Variants in CNTNAP2 observed in about 807,000 individuals in gnomAD.
CNTNAP2 encodes contactin-associated protein-like 2.
In CNTNAP2, 98 loss-of-function variants were observed where a neutral mutation model predicts 155.2. The observed-to-expected ratio is 0.63, with a 90% CI of 0.54 to 0.75. The LOEUF is 0.75. Among genes scored for constraint, CNTNAP2 ranks in the 30% least tolerant of loss-of-function variants. The pLI is 0.00. For missense variants in CNTNAP2, 1,727 were observed against 1,688.1 expected, an observed-to-expected ratio of 1.02 and a Z score of -0.40; for synonymous variants, 651 against 631.2, an observed-to-expected ratio of 1.03 and a Z score of -0.47.
chr7:146,842,509 C>T (rs752322123), intron 3 of CNTNAP2, among the ~76,000 whole-genome samples: 2 of 151,946 alleles, frequency 1.3e-5, no homozygotes, highest in Admixed American at 1.3e-4. Flanking sequence ...TAAGAAATAC[C>T]TGAGACTGGG....
chr7:146,502,901 C>T (rs921517224), intron 1 of CNTNAP2, among the ~76,000 whole-genome samples: 6 of 152,124 alleles, frequency 3.9e-5, no homozygotes, highest in Admixed American at 1.3e-4. Flanking sequence ...AGGCAAGAGC[C>T]GCCTCAAACT....
chr7:147,109,644 T>G (rs745502081), intron 5 of CNTNAP2, among the ~76,000 whole-genome samples: 7 of 152,124 alleles, frequency 4.6e-5, no homozygotes, highest in African/African-American at 7.2e-5. Context: ...TCATGTAAGA[T>G]GAAGACAGAG....
At chr7:148,277,642 C>G (rs1370522285) in intron 21 of CNTNAP2, among the ~76,000 whole-genome samples, 1 of 149,036 alleles carries the variant, frequency 6.7e-6, no homozygotes, top group Non-Finnish European at 1.5e-5. Flanking sequence ...GAGCCCCAGA[C>G]TGGGAAGCAA....
chr7:146,956,942 C>T (rs555816497), intron 3 of CNTNAP2, among the ~76,000 whole-genome samples: 4 of 152,264 alleles, frequency 2.6e-5, no homozygotes, highest in East Asian at 1.9e-4. Flanking sequence ...TGTACAGCCA[C>T]GTGTCATTTA....
Position 147,121,076 on chromosome 7 carries a change from G to A in CNTNAP2, c.852G>A (p.Gln284=). Residue 284 remains glutamine (Q), a synonymous_variant, in exon 6 of 24, where the codon CAG becomes CAA. Coordinates refer to ENST00000361727, the MANE Select transcript of CNTNAP2 (RefSeq NM_014141.6). ...GGCACTCTGTGGTCATTGAGCGCCA[G>A]GGGCGGAGCATTAACCTCACTCTGG... ...HHWHSVVIER[Q]GRSINLTLDR... 2 of 1,614,136 alleles carry A rather than the reference G, an allele frequency of 1.2e-6. No individual in the cohort carries two copies. Among genetic ancestry groups the A allele is most frequent in the South Asian group, 1.1e-5 (1 of 91,082 alleles).
At chr7:147,155,803 C>G (rs945982104) in intron 8 of CNTNAP2, among the ~76,000 whole-genome samples, 1 of 151,848 alleles carries the variant, frequency 6.6e-6, no homozygotes, top group African/African-American at 2.4e-5. Flanking sequence ...GGGAAAGGTG[C>G]CCCTGAGAAG....
chr7:148,044,147 C>T (rs1041251598), intron 15 of CNTNAP2, among the ~76,000 whole-genome samples: 13 of 148,634 alleles, frequency 8.7e-5, no homozygotes, highest in African/African-American at 2.0e-4. Flanking sequence ...CGTGTGGATC[C>T]GAGTTCATAT....
At chr7:147,738,421 A>C (rs2116480952) in intron 13 of CNTNAP2, among the ~76,000 whole-genome samples, 1 of 152,312 alleles carries the variant, frequency 6.6e-6, no homozygotes, top group Admixed American at 6.5e-5. Context: ...CCTTATTTTA[A>C]GACACTGCCA....
chr7:146,186,397 C>T (rs907447543), intron 1 of CNTNAP2, among the ~76,000 whole-genome samples: 28 of 152,066 alleles, frequency 1.8e-4, no homozygotes, highest in African/African-American at 2.7e-4. Flanking sequence ...AAGAATTATA[C>T]GCTTTAAATT....
At chr7:146,813,082 G>A (rs1803097357) in intron 2 of CNTNAP2, among the ~76,000 whole-genome samples, 1 of 152,192 alleles carries the variant, frequency 6.6e-6, no homozygotes, top group African/African-American at 2.4e-5. Context: ...TGCTGCAGGG[G>A]TGGAGCAGTC....
At position 146,745,681 on chromosome 7, in the gene CNTNAP2, C is replaced by T. The variant is rs564953999; in HGVS notation, c.98-28590C>T. Among the ~76,000 whole-genome samples the T allele has an allele frequency of 3.3e-5, 5 of 150,662 alleles. 1 individual carries two copies. The highest frequency in any genetic ancestry group is 3.3e-4 in the Admixed American group (5 of 15,080). On this transcript the variant is annotated intron_variant, in intron 1 of 23. Transcript: ENST00000361727. ...ACTCAGGAGGCTGAGACAGGAGAAT[C>T]GCTTGACCCTGGAGGTGGAGATTGC...
At chr7:148,121,327 C>T (rs1296890802) in intron 16 of CNTNAP2, among the ~76,000 whole-genome samples, 1 of 152,224 alleles carries the variant, frequency 6.6e-6, no homozygotes, top group Non-Finnish European at 1.5e-5. Flanking sequence ...GCCACCACGC[C>T]TGGCCGCTGA....
chr7:148,056,849 G>A (rs189704248), intron 15 of CNTNAP2, among the ~76,000 whole-genome samples: 1 of 152,266 alleles, frequency 6.6e-6, no homozygotes, highest in East Asian at 1.9e-4. Context: ...TACTTGAAGG[G>A]CGATTTAAGA....
At chr7:147,093,060 A>C (rs1414113962) in intron 4 of CNTNAP2, among the ~76,000 whole-genome samples, 1 of 109,036 alleles carries the variant, frequency 9.2e-6, no homozygotes, top group East Asian at 2.7e-4. Context: ...GTCTCTACTA[A>C]AAATACAAAT....
chr7:147,275,294 A>T (rs1563142825), intron 8 of CNTNAP2, among the ~76,000 whole-genome samples: 1 of 151,962 alleles, frequency 6.6e-6, no homozygotes, highest in African/African-American at 2.4e-5. Flanking sequence ...ATCCATGAGC[A>T]TGGGATGTTT....
At chr7:147,333,087 C>T (rs1795601618) in intron 9 of CNTNAP2, among the ~76,000 whole-genome samples, 2 of 152,022 alleles carry the variant, frequency 1.3e-5, no homozygotes, top group South Asian at 2.1e-4. Flanking sequence ...GTCTTGAGGC[C>T]ATAGTGCTCC....
At chr7:148,136,026 AGGG>A (rs1207958644) in intron 16 of CNTNAP2, among the ~76,000 whole-genome samples, 8 of 59,664 alleles carry the variant, frequency 1.3e-4, no homozygotes, top group African/African-American at 6.2e-4. Flanking sequence ...GAAGGGAGGG[AGGG>A]AGGGAGGGAG....
At chr7:147,580,189 A>G (rs1800472535) in intron 12 of CNTNAP2, among the ~76,000 whole-genome samples, 1 of 152,134 alleles carries the variant, frequency 6.6e-6, no homozygotes, top group African/African-American at 2.4e-5. Context: ...TTAATATTTA[A>G]TGAACAATTA....
At chr7:146,687,359 A>G (rs1800618530) in intron 1 of CNTNAP2, among the ~76,000 whole-genome samples, 2 of 152,164 alleles carry the variant, frequency 1.3e-5, no homozygotes, top group Admixed American at 1.3e-4. Context: ...GAAAAGTCAC[A>G]CCAGCTATAT....
Sources: allele counts gnomAD v4.1 joint callset (sites outside exome capture counted in the v4.1 genomes callset), GRCh38; gene constraint gnomAD v4.1.1; transcripts MANE v1.5; gene names NCBI Gene and HGNC (gene_info 2026-07-23, HGNC 2026-07-21).